GABRA3: variants seen among roughly 807,000 people sequenced by gnomAD.
GABRA3 encodes the protein gamma-aminobutyric acid type A receptor subunit alpha3, also known as gamma-aminobutyric acid receptor subunit alpha-3.
A neutral mutation model predicts 30.1 loss-of-function variants in GABRA3; 10 were observed. That is an observed-to-expected ratio of 0.33 (90% CI 0.20 to 0.56). The LOEUF (loss-of-function observed/expected upper bound fraction) is 0.56, where lower values mean the gene tolerates loss of function less well. Among genes scored for constraint, GABRA3 ranks in the 20% least tolerant of loss-of-function variants. The probability of loss-of-function intolerance (pLI) is 0.89; values close to 1 mark genes in which losing one functional copy is unlikely to be tolerated. For synonymous variants in GABRA3, 151 were observed against 146.8 expected (o/e 1.03, Z -0.21); for missense variants, 233 against 392.0 (o/e 0.59, Z 3.42).
chrX:152,178,005 T>G (rs1937095683), intron 9 of GABRA3, among the ~76,000 whole-genome samples: 1 of 111,446 alleles, frequency 9.0e-6, no homozygotes, highest in Non-Finnish European at 1.9e-5. Flanking sequence ...GGGCAGTAGA[T>G]TTTTTAGGAA....
At chrX:152,225,376 AAC>A (rs1050334040) in intron 5 of GABRA3, among the ~76,000 whole-genome samples, 4 of 103,328 alleles carry the variant, frequency 3.9e-5, no homozygotes, top group African/African-American at 1.1e-4. Flanking sequence ...GCTCTTGAGG[AAC>A]ACACACACAC....
In GABRA3 at chrX:152,378,055, C is replaced by A. The variant is rs182606846; in HGVS notation, c.-26-13459G>T. On this transcript the variant is annotated intron_variant, in intron 1 of 9. Transcript: ENST00000370314. ...CATTAATGTTTGATCCAATAAATCT[C>A]AAGTCATGAATTTAATTTAAAGTAC... Among the ~76,000 whole-genome samples, 14 of 112,410 alleles carry A rather than the reference C, an allele frequency of 1.2e-4. No individual in the cohort carries two copies. In the East Asian group the frequency reaches 3.6e-3, roughly 29 times the overall value.
intron 5 of GABRA3, among the ~76,000 whole-genome samples, chrX:152,236,953 C>G (rs986424766): frequency 8.5e-5 from 9 of 105,730 alleles, no homozygotes; most frequent in African/African-American, 2.8e-4. Context: ...GTTGCCTGTT[C>G]ACTCTGATGG....
At chrX:152,234,018 G>T (rs970606883) in intron 5 of GABRA3, among the ~76,000 whole-genome samples, 3 of 91,321 alleles carry the variant, frequency 3.3e-5, no homozygotes, top group Non-Finnish European at 6.4e-5. Flanking sequence ...GACACAGGAG[G>T]GGGAACATCG....
At chrX:152,196,797 C>G (rs1326773500) in intron 8 of GABRA3, among the ~76,000 whole-genome samples, 1 of 112,261 alleles carries the variant, frequency 8.9e-6, no homozygotes, top group African/African-American at 3.2e-5. Context: ...TCCTACTTTA[C>G]AGGTCACTAT....
At chrX:152,274,340 T>C (rs1388384953) in intron 4 of GABRA3, among the ~76,000 whole-genome samples, 1 of 110,753 alleles carries the variant, frequency 9.0e-6, no homozygotes, top group East Asian at 2.8e-4. Context: ...CATAAACTTA[T>C]CTACTTAACA....
At position 152,330,884 on chromosome X, in the gene GABRA3, T is replaced by C. The variant is rs946328718; in HGVS notation, c.262+14697A>G. On this transcript the variant is annotated intron_variant, in intron 3 of 9. Transcript: ENST00000370314. ...AAACTGTTTCCTATGTATTCATAAT[T>C]AATATTAACATAAAAAGGAATCTTT... 3.6e-5 allele frequency among the ~76,000 whole-genome samples: 4 copies of C among 111,728 alleles called. No individual in the cohort carries two copies. In the East Asian group the frequency reaches 8.4e-4, roughly 24 times the overall value.
At chrX:152,271,029 T>G (rs1353098522) in intron 4 of GABRA3, among the ~76,000 whole-genome samples, 1 of 105,874 alleles carries the variant, frequency 9.4e-6, no homozygotes, top group Non-Finnish European at 1.9e-5. Flanking sequence ...TGGTGCAAAC[T>G]CAGCTCACTG....
intron 1 of GABRA3, among the ~76,000 whole-genome samples, chrX:152,439,739 C>T (rs1231790743): frequency 2.7e-5 from 3 of 111,167 alleles, no homozygotes; most frequent in Non-Finnish European, 5.7e-5. Context: ...AATTACTCAG[C>T]AATAATAAAG....
intron 1 of GABRA3, among the ~76,000 whole-genome samples, chrX:152,367,837 T>G (rs923349358): frequency 8.9e-6 from 1 of 111,942 alleles, no homozygotes; most frequent in Non-Finnish European, 1.9e-5. Context: ...TTGCTCTGAT[T>G]AAAACTCTAA....
chrX:152,309,528 TA>T (rs1939769814), intron 3 of GABRA3, among the ~76,000 whole-genome samples: 2 of 111,282 alleles, frequency 1.8e-5, no homozygotes, highest in South Asian at 7.6e-4. Context: ...AAAAGATTTT[TA>T]TATCCAGCCA....
rs762010682 is a variant in GABRA3 at position 152,305,411 on chromosome X, T to C, written c.263-20676A>G. ...GAAACCTGCAAATGTACCACCTGAA[T>C]CTAAAATGTAAAAAAAAAAAAAAAT... is the stretch of plus-strand genomic sequence containing the variant. On this transcript the variant is annotated intron_variant, in intron 3 of 9. Coordinates refer to ENST00000370314, the MANE Select transcript of GABRA3 (RefSeq NM_000808.4). Among the ~76,000 whole-genome samples the C allele has an allele frequency of 1.0e-4, 11 of 106,250 alleles. No individual in the cohort carries two copies. In the South Asian group the frequency reaches 3.7e-3, roughly 36 times the overall value. The allele number at this position is 106,250 out of a possible 115,157, so 92.3% of individuals were successfully genotyped here.
intron 6 of GABRA3, among the ~76,000 whole-genome samples, chrX:152,223,611 T>A (rs1466440973): frequency 9.1e-6 from 1 of 109,790 alleles, no homozygotes; most frequent in East Asian, 2.9e-4. Context: ...ACATACGGTA[T>A]TTTTCCTGGT....
At chrX:152,419,600 G>C (rs1203692651) in intron 1 of GABRA3, among the ~76,000 whole-genome samples, 2 of 111,439 alleles carry the variant, frequency 1.8e-5, no homozygotes, top group Non-Finnish European at 3.8e-5. Context: ...AACTCTTAAA[G>C]AAATTGAATC....
chrX:152,292,205 G>A (rs1202841224), intron 3 of GABRA3, among the ~76,000 whole-genome samples: 1 of 111,623 alleles, frequency 9.0e-6, no homozygotes, highest in Non-Finnish European at 1.9e-5. Flanking sequence ...CCTGTTATTG[G>A]TCTATTCAGA....
intron 9 of GABRA3, among the ~76,000 whole-genome samples, chrX:152,181,132 T>C (rs1451013835): frequency 2.7e-5 from 3 of 111,953 alleles, no homozygotes; most frequent in African/African-American, 9.7e-5. Context: ...TTGGGTGGCA[T>C]GAACATTTTA....
At chrX:152,236,575 C>A (rs1232955552) in intron 5 of GABRA3, among the ~76,000 whole-genome samples, 3 of 102,319 alleles carry the variant, frequency 2.9e-5, no homozygotes, top group Non-Finnish European at 6.0e-5. Context: ...GCCACACTGA[C>A]TTCCACAATG....
At chrX:152,421,044 G>A (rs1289248203) in intron 1 of GABRA3, among the ~76,000 whole-genome samples, 1 of 108,178 alleles carries the variant, frequency 9.2e-6, no homozygotes, top group Non-Finnish European at 1.9e-5. Context: ...CCAGTCTTGG[G>A]TATTTCTTCA....
intron 5 of GABRA3, among the ~76,000 whole-genome samples, chrX:152,237,710 C>G (rs968702676): frequency 1.0e-3 from 110 of 105,558 alleles, no homozygotes; most frequent in African/African-American, 3.8e-3. Flanking sequence ...TCCTTCACAT[C>G]CCTTGTAAGT....
Sources: allele counts gnomAD v4.1 joint callset (sites outside exome capture counted in the v4.1 genomes callset), GRCh38; gene constraint gnomAD v4.1.1; transcripts MANE v1.5; gene names NCBI Gene and HGNC (gene_info 2026-07-23, HGNC 2026-07-21).